CLIP2: variants seen among roughly 807,000 people sequenced by gnomAD.
CLIP2 encodes the protein CAP-Gly domain-containing linker protein 2.
In CLIP2, 41 loss-of-function variants were observed where a neutral mutation model predicts 111.7. The ratio of observed to expected loss-of-function variants is 0.37; its 90% CI spans 0.29 to 0.48. CLIP2 has a LOEUF of 0.48. Among genes scored for constraint, CLIP2 ranks in the 20% least tolerant of loss-of-function variants. The probability of loss-of-function intolerance (pLI) is 0.99; values close to 1 mark genes in which losing one functional copy is unlikely to be tolerated. For missense variants in CLIP2, 1,160 were observed against 1,422.1 expected (o/e 0.82, Z 2.96); for synonymous variants, 660 against 644.2 (o/e 1.02, Z -0.37).
chr7:74,343,491 CTTCATTCA>C (rs112530060), intron 3 of CLIP2, among the ~76,000 whole-genome samples: 208 of 152,058 alleles, frequency 1.4e-3, no homozygotes, highest in African/African-American at 4.8e-3. Flanking sequence ...AGAGCCTCAT[CTTCATTCA>C]TTCATTCATT....
At chr7:74,352,485 ATAGT>A (rs1279424735) in intron 3 of CLIP2, among the ~76,000 whole-genome samples, 3 of 151,946 alleles carry the variant, frequency 2.0e-5, no homozygotes, top group South Asian at 2.1e-4. Flanking sequence ...ATCATCAAAG[ATAGT>A]TATTTATAGG....
chr7:74,363,662 ATC>A (rs1790396497), intron 7 of CLIP2, among the ~76,000 whole-genome samples: 1 of 152,152 alleles, frequency 6.6e-6, no homozygotes, highest in South Asian at 2.1e-4. Context: ...AGGTGGGCAG[ATC>A]ACTTGAGGCC....
At position 74,360,170 on chromosome 7, in the gene CLIP2, C is replaced by T; in HGVS notation, c.1216-5C>T. 6.3e-7 allele frequency: 1 copy of T among 1,594,932 alleles called. No individual in the cohort carries two copies. Among genetic ancestry groups the T allele is most frequent in the Non-Finnish European group, 8.5e-7 (1 of 1,170,984 alleles). ...ACCCTGTCCTGGCCTTCCTTGGGGG[C>T]CCAGTATGTTGCAGAAGCCGAGGAG... On this transcript the variant is annotated splice_region_variant and splice_polypyrimidine_tract_variant and intron_variant, in intron 6 of 16. Coordinates refer to ENST00000223398, the MANE Select transcript of CLIP2 (RefSeq NM_003388.5).
intron 2 of CLIP2, among the ~76,000 whole-genome samples, chr7:74,327,350 G>T (rs1177958159): frequency 7.2e-5 from 11 of 152,174 alleles, no homozygotes; most frequent in African/African-American, 2.7e-4. Flanking sequence ...TGATCCACCT[G>T]CCTCGGCCTC....
intron 3 of CLIP2, among the ~76,000 whole-genome samples, chr7:74,340,337 A>G (rs1554305142): frequency 1.3e-5 from 2 of 152,214 alleles, no homozygotes; most frequent in East Asian, 3.9e-4. Context: ...CAGAGGTTTC[A>G]GTGAGCCGAG....
chr7:74,386,452 C>A, intron 11 of CLIP2, 69 bp from the exon 12 acceptor site: 1 of 1,301,022 alleles, frequency 7.7e-7, no homozygotes, highest in Non-Finnish European at 1.1e-6. Context: ...TGTGGGAGGG[C>A]CATGGCCCTA....
chr7:74,358,320 G>A (rs1456854291), intron 6 of CLIP2, among the ~76,000 whole-genome samples: 1 of 152,078 alleles, frequency 6.6e-6, no homozygotes, highest in Non-Finnish European at 1.5e-5. Context: ...CAAAGTGCTG[G>A]GATTACAGGT....
intron 11 of CLIP2, among the ~76,000 whole-genome samples, chr7:74,384,202 C>T (rs546974759): frequency 3.8e-4 from 57 of 151,946 alleles, no homozygotes; most frequent in Non-Finnish European, 5.3e-4. Flanking sequence ...ACAACAACAA[C>T]GACAACAAAA....
chr7:74,400,273 C>A, intron 14 of CLIP2, 97 bp from the exon 15 acceptor site: 2 of 1,113,228 alleles, frequency 1.8e-6, no homozygotes, highest in Non-Finnish European at 1.3e-6. Flanking sequence ...AACCCAGAGA[C>A]AAAGTGAGGC....
chr7:74,366,473 A>G (rs1554310860), intron 8 of CLIP2, among the ~76,000 whole-genome samples: 1 of 152,190 alleles, frequency 6.6e-6, no homozygotes, highest in Non-Finnish European at 1.5e-5. Flanking sequence ...CACCCAATTG[A>G]GGAAGAAGCA....
At chr7:74,329,261 A>C (rs1789210097) in intron 2 of CLIP2, among the ~76,000 whole-genome samples, 1 of 151,352 alleles carries the variant, frequency 6.6e-6, no homozygotes, top group African/African-American at 2.4e-5. Context: ...AAGTCTCGCT[A>C]TGTTGCCTCC....
At position 74,372,516 on chromosome 7, in the gene CLIP2, C is replaced by A. The variant is rs1271123339; in HGVS notation, c.1381-416C>A. Among the ~76,000 whole-genome samples, 6 of 150,886 alleles carry A rather than the reference C, an allele frequency of 4.0e-5. No individual in the cohort carries two copies. In the South Asian group the frequency reaches 8.4e-4, roughly 21 times the overall value. Reference sequence around the variant, plus strand: ...CAACCAGTGACAGCCTGCAGGGGAACGGGAACAGGATGGGCCCCTCCCCAG... The same window carrying A: ...CAACCAGTGACAGCCTGCAGGGGAAAGGGAACAGGATGGGCCCCTCCCCAG... On this transcript the variant is annotated intron_variant, in intron 8 of 16. Coordinates refer to ENST00000223398, the MANE Select transcript of CLIP2 (RefSeq NM_003388.5).
At chr7:74,316,644 C>T (rs1451457854) in intron 1 of CLIP2, among the ~76,000 whole-genome samples, 1 of 151,898 alleles carries the variant, frequency 6.6e-6, no homozygotes, top group Non-Finnish European at 1.5e-5. Context: ...TTACTGCAAC[C>T]ACCGCCTCCT....
chr7:74,384,115 G>A (rs36079744), intron 11 of CLIP2, among the ~76,000 whole-genome samples: 12,233 of 152,134 alleles, frequency 0.08, 1,102 homozygotes, highest in East Asian at 0.32. Flanking sequence ...ACTTGAACCT[G>A]GGAGGCAGAG....
intron 13 of CLIP2, among the ~76,000 whole-genome samples, chr7:74,392,641 AGAT>A (rs1791325128): frequency 6.6e-6 from 1 of 152,174 alleles, no homozygotes; most frequent in Non-Finnish European, 1.5e-5. Flanking sequence ...AGCCTGGCCA[AGAT>A]GATGAAACCC....
intron 1 of CLIP2, among the ~76,000 whole-genome samples, chr7:74,293,267 C>A (rs963255919): frequency 6.6e-6 from 1 of 152,158 alleles, no homozygotes; most frequent in Non-Finnish European, 1.5e-5. Context: ...GGCGACCTGG[C>A]CCCCCGGGAC....
At chr7:74,321,431 A>G (rs1291028984) in intron 2 of CLIP2, among the ~76,000 whole-genome samples, 1 of 152,026 alleles carries the variant, frequency 6.6e-6, no homozygotes, top group African/African-American at 2.4e-5. Context: ...AGTTTTAGCC[A>G]TTGTCATGTT....
intron 1 of CLIP2, among the ~76,000 whole-genome samples, chr7:74,293,856 GCT>G (rs1444718889): frequency 6.6e-6 from 1 of 152,154 alleles, no homozygotes; most frequent in African/African-American, 2.4e-5. Context: ...ACAGGAGGAG[GCT>G]CTCTCCTTTC....
chr7:74,362,099 CAA>C (rs564539300), intron 7 of CLIP2, among the ~76,000 whole-genome samples: 23 of 86,480 alleles, frequency 2.7e-4, no homozygotes, highest in Non-Finnish European at 2.5e-4. Context: ...GGCTCCGCCT[CAA>C]AAAAAAAAAA....
Sources: allele counts gnomAD v4.1 joint callset (sites outside exome capture counted in the v4.1 genomes callset), GRCh38; gene constraint gnomAD v4.1.1; transcripts MANE v1.5; gene names NCBI Gene and HGNC (gene_info 2026-07-23, HGNC 2026-07-21).